ATP6V0D1: variants seen among roughly 807,000 people sequenced by gnomAD.
ATP6V0D1 encodes ATPase H+ transporting V0 subunit d1.
A neutral mutation model predicts 39.0 loss-of-function variants in ATP6V0D1; 13 were observed. That is an observed-to-expected ratio of 0.33 (90% CI 0.22 to 0.53). The LOEUF is 0.53. Among genes scored for constraint, ATP6V0D1 ranks in the 20% least tolerant of loss-of-function variants. The probability of loss-of-function intolerance (pLI) is 0.94; values close to 1 mark genes in which losing one functional copy is unlikely to be tolerated. For missense variants in ATP6V0D1, 272 were observed against 470.9 expected (o/e 0.58, Z 3.91); for synonymous variants, 191 against 191.2 (o/e 1.00, Z 0.01).
At chr16:67,457,494 A>T (rs1567538661) in intron 1 of ATP6V0D1, 3 of 1,074,602 alleles carry the variant, frequency 2.8e-6, no homozygotes, top group Non-Finnish European at 3.8e-6. Flanking sequence ...AGGTGGTGGC[A>T]GAGGGGTGGG....
intron 1 of ATP6V0D1, among the ~76,000 whole-genome samples, chr16:67,477,433 T>C (rs909024356): frequency 6.6e-6 from 1 of 152,340 alleles, no homozygotes; most frequent in East Asian, 1.9e-4. Flanking sequence ...GTCATTTTTT[T>C]AAAATACTCA....
chr16:67,475,450 C>T (rs917264238), intron 1 of ATP6V0D1, among the ~76,000 whole-genome samples: 77 of 152,186 alleles, frequency 5.1e-4, no homozygotes, highest in Non-Finnish European at 1.5e-4. Flanking sequence ...GTGTTCTGGA[C>T]AACAGCCAGC....
At chr16:67,477,527 G>T (rs776746747) in intron 1 of ATP6V0D1, among the ~76,000 whole-genome samples, 27 of 151,820 alleles carry the variant, frequency 1.8e-4, no homozygotes, top group Non-Finnish European at 3.8e-4. Flanking sequence ...TGGGAGTGGG[G>T]GTATAAATGG....
intron 1 of ATP6V0D1, chr16:67,455,853 T>A (rs1367417300): frequency 5.9e-5 from 9 of 152,236 alleles, no homozygotes; most frequent in Non-Finnish European, 1.5e-5. Flanking sequence ...GTTGCATTAT[T>A]TCATTACCCA....
intron 1 of ATP6V0D1, among the ~76,000 whole-genome samples, chr16:67,458,419 C>T (rs1419773740): frequency 6.6e-6 from 1 of 152,214 alleles, no homozygotes; most frequent in Non-Finnish European, 1.5e-5. Flanking sequence ...GGCAGGGGCT[C>T]TGGGAAGCCA....
rs774131664 is a variant in ATP6V0D1 at position 67,439,001 on chromosome 16, T to C, written c.786A>G (p.Glu262=). ...AGTAATCGGCCACGTTCTTGACCTG[T>C]TCATAGTCGTCAGCCCGAGCCAGCT... ...LAQLARADDY[E]QVKNVADYYP... Residue 262 remains glutamate, a synonymous_variant, in exon 6 of 8, where the codon GAA becomes GAG. Coordinates refer to ENST00000290949, the MANE Select transcript of ATP6V0D1 (RefSeq NM_004691.5). The C allele has an allele frequency of 1.2e-6, 2 of 1,614,102 alleles. No homozygotes were observed. The highest frequency in any genetic ancestry group is 3.3e-5 in the Admixed American group (2 of 60,022).
chr16:67,479,397 T>TA (rs1555521355), intron 1 of ATP6V0D1, among the ~76,000 whole-genome samples: 1 of 151,834 alleles, frequency 6.6e-6, no homozygotes, highest in Non-Finnish European at 1.5e-5. Context: ...GTATCTTGAG[T>TA]AGAGACAGGG....
At chr16:67,442,450 GC>G (rs1210606514) in intron 4 of ATP6V0D1, among the ~76,000 whole-genome samples, 2 of 138,640 alleles carry the variant, frequency 1.4e-5, no homozygotes, top group African/African-American at 6.8e-5. Flanking sequence ...CTGGTCTCGG[GC>G]TTTTTTTTTT....
At chr16:67,452,866 GA>G (rs1431482346) in intron 2 of ATP6V0D1, among the ~76,000 whole-genome samples, 1 of 152,234 alleles carries the variant, frequency 6.6e-6, no homozygotes, top group African/African-American at 2.4e-5. Context: ...GGAGCTTGAT[GA>G]AGGCAGAGCT....
rs1357541368 is a variant in ATP6V0D1, at chr16:67,456,284, A to G, written c.131-2569T>C. ...AGTGCTGCGATTACAGGCGTGAACCACGTGTGCAAGTCTTTTTAAGAGAAA... is the reference window on the plus strand; with the variant it reads ...AGTGCTGCGATTACAGGCGTGAACCGCGTGTGCAAGTCTTTTTAAGAGAAA... On this transcript the variant is annotated intron_variant, in intron 1 of 7. Coordinates refer to ENST00000290949, the MANE Select transcript of ATP6V0D1 (RefSeq NM_004691.5). The surrounding 1 kb of genome is among the most constrained non-coding windows in gnomAD (Gnocchi z 4.1). 1 of 152,180 alleles carries G rather than the reference A, an allele frequency of 6.6e-6. No homozygotes were observed. Among genetic ancestry groups the G allele is most frequent in the Non-Finnish European group, 1.5e-5 (1 of 68,036 alleles). 9.4% of individuals were successfully genotyped at this position (152,180 alleles called of 1,614,324 possible). A position where few individuals can be genotyped will look rare whatever the true frequency, so the allele number is the denominator to read the frequency against.
At chr16:67,455,213 C>T (rs2041226017) in intron 1 of ATP6V0D1, 1 of 152,204 alleles carries the variant, frequency 6.6e-6, no homozygotes, top group South Asian at 2.1e-4. Flanking sequence ...CCACGGCCTC[C>T]CCAGATGTCT....
chr16:67,443,640 C>T (rs544532509), intron 3 of ATP6V0D1, among the ~76,000 whole-genome samples: 3 of 152,300 alleles, frequency 2.0e-5, no homozygotes, highest in East Asian at 3.9e-4. Flanking sequence ...CACAGACCAG[C>T]GACCCAGGGG....
intron 1 of ATP6V0D1, among the ~76,000 whole-genome samples, chr16:67,465,508 T>C (rs1269458620): frequency 1.3e-5 from 2 of 152,110 alleles, no homozygotes; most frequent in Non-Finnish European, 2.9e-5. Context: ...GCCTGAGAAG[T>C]GTAGCCCTGA....
At chr16:67,449,949 G>A (rs2041159436) in intron 2 of ATP6V0D1, among the ~76,000 whole-genome samples, 2 of 152,200 alleles carry the variant, frequency 1.3e-5, no homozygotes, top group Non-Finnish European at 1.5e-5. Flanking sequence ...GCAGAAGCCT[G>A]CTCCAGCCAG....
chr16:67,474,991 T>C (rs982862116), intron 1 of ATP6V0D1, among the ~76,000 whole-genome samples: 2 of 152,182 alleles, frequency 1.3e-5, no homozygotes, highest in Non-Finnish European at 2.9e-5. Flanking sequence ...TCTCCTACAA[T>C]ACTCCCAGCC....
intron 1 of ATP6V0D1, chr16:67,457,415 T>C: frequency 2.3e-6 from 1 of 425,574 alleles, no homozygotes; most frequent in East Asian, 7.3e-5. Context: ...CCCCAGCCCT[T>C]GACCCAGGAC....
At position 67,480,007 on chromosome 16, in the gene ATP6V0D1, G is replaced by T. The variant is rs1237190089; in HGVS notation, c.130+950C>A. On this transcript the variant is annotated intron_variant, in intron 1 of 7. Transcript: ENST00000290949. ...GAGGTCAGGAGATCGAGACCATCCC[G>T]GCTAAAACGGTGAAACCCCGTCTCT... is the stretch of plus-strand genomic sequence containing the variant. 7.3e-5 allele frequency among the ~76,000 whole-genome samples: 8 copies of T among 110,262 alleles called. 1 individual carries two copies. Among genetic ancestry groups the T allele is most frequent in the Non-Finnish European group, 6.4e-5 (4 of 62,392 alleles). The allele number at this position is 110,262 out of a possible 152,430, so 72.3% of individuals were successfully genotyped here.
chr16:67,472,074 C>T (rs891819459), intron 1 of ATP6V0D1, among the ~76,000 whole-genome samples: 9 of 152,176 alleles, frequency 5.9e-5, no homozygotes, highest in Admixed American at 2.6e-4. Flanking sequence ...CTGCCTAGCC[C>T]TAGCCTCCAT....
intron 2 of ATP6V0D1, among the ~76,000 whole-genome samples, chr16:67,450,759 C>T (rs1182593846): frequency 6.6e-6 from 1 of 152,066 alleles, no homozygotes; most frequent in African/African-American, 2.4e-5. Context: ...GAGAAGAATT[C>T]GGAAGGGAAG....
Sources: gnomAD v4.1 joint callset for allele counts (sites outside exome capture counted in the v4.1 genomes callset) on GRCh38, gnomAD v4.1.1 for gene constraint, Gnocchi (gnomAD v3.1) non-coding constraint, MANE v1.5 for transcripts, NCBI Gene and HGNC (gene_info 2026-07-23, HGNC 2026-07-21) for gene names.